The following ERI1 variants were observed in gnomAD, a reference collection of about 807,000 sequenced individuals.
ERI1 encodes 3'-5' exoribonuclease 1.
In ERI1, 39 loss-of-function variants were observed where a neutral mutation model predicts 39.7. The ratio of observed to expected loss-of-function variants is 0.98; its 90% CI spans 0.76 to 1.28. ERI1 has a LOEUF of 1.28. Ranked by LOEUF, ERI1 falls within the 50% of genes most tolerant of loss-of-function variation. The pLI is 0.00. For synonymous variants in ERI1, 204 were observed against 149.6 expected, an observed-to-expected ratio of 1.36 and a Z score of -2.65; for missense variants, 581 against 416.9, an observed-to-expected ratio of 1.39 and a Z score of -3.43.
intron 3 of ERI1, among the ~76,000 whole-genome samples, chr8:9,061,611 G>A (rs1446377074): frequency 6.6e-6 from 1 of 152,234 alleles, no homozygotes; most frequent in Non-Finnish European, 1.5e-5. Context: ...CAGCTCTTTT[G>A]TAAGAATTCT....
chr8:9,003,303 G>T (rs1042839693), intron 1 of ERI1, 132 bp downstream of exon 1: 38 of 479,024 alleles, frequency 7.9e-5, no homozygotes, highest in Non-Finnish European at 1.1e-4. Flanking sequence ...CTCTTCCTCG[G>T]TGCCCAGCTC....
At chr8:9,009,373 T>G (rs1816422704) in intron 2 of ERI1, among the ~76,000 whole-genome samples, 1 of 152,078 alleles carries the variant, frequency 6.6e-6, no homozygotes, top group Non-Finnish European at 1.5e-5. Context: ...AAAGATGACA[T>G]TTGAATTGTG....
At chr8:9,097,848 A>T (rs77943819) in intron 3 of ERI1, among the ~76,000 whole-genome samples, 5,596 of 152,294 alleles carry the variant, frequency 0.037, 310 homozygotes, top group African/African-American at 0.12. Flanking sequence ...GTTAATTAAA[A>T]AAAAATGCTT....
intron 3 of ERI1, among the ~76,000 whole-genome samples, chr8:9,090,901 T>C (rs1799681281): frequency 6.6e-6 from 1 of 152,194 alleles, no homozygotes; most frequent in Non-Finnish European, 1.5e-5. Flanking sequence ...TTTGGGGTAA[T>C]ATTTATTTTC....
intron 4 of ERI1, 98 bp from the exon 5 acceptor site, chr8:9,018,199 C>G: frequency 1.7e-6 from 1 of 601,608 alleles, no homozygotes; most frequent in South Asian, 2.5e-5. Flanking sequence ...CAGCCTTTCT[C>G]ATACTGTTTC....
chr8:9,007,982 T>C lies in ERI1; in HGVS notation c.121T>C (p.Cys41Arg), dbSNP rs1400926414. Reference protein sequence around the residue: ...PRPSPEETQQCKFDGQETKGS... With the variant: ...PRPSPEETQQRKFDGQETKGS... ...TTTTTTTTGGTAGGAAACTCAACAG[T>C]GTAAATTTGATGGCCAGGAGACAAA... The change falls in exon 2 of 7, where the codon TGT becomes CGT. Residue 41 changes from cysteine to arginine, a missense_variant. Coordinates refer to ENST00000250263, the MANE Select transcript of ERI1 (RefSeq NM_153332.4). 7.4e-7 allele frequency: 1 copy of C among 1,356,544 alleles called. No homozygotes were observed. Among genetic ancestry groups the C allele is most frequent in the African/African-American group, 1.6e-5 (1 of 62,112 alleles). The allele number at this position is 1,356,544 out of a possible 1,614,324, so 84.0% of individuals were successfully genotyped here.
intron 2 of ERI1, 74 bp downstream of exon 2, chr8:9,008,222 A>G (rs1331426184): frequency 2.4e-6 from 3 of 1,232,110 alleles, no homozygotes; most frequent in African/African-American, 1.5e-5. Flanking sequence ...ACATTGAAAT[A>G]TTAAAAATCA....
chr8:9,011,303 A>G (rs1816641542), intron 2 of ERI1, among the ~76,000 whole-genome samples: 1 of 152,232 alleles, frequency 6.6e-6, no homozygotes, highest in African/African-American at 2.4e-5. Flanking sequence ...ATACTGTTAT[A>G]TACTACTAAA....
intron 3 of ERI1, among the ~76,000 whole-genome samples, chr8:9,079,914 T>A (rs1269565348): frequency 2.0e-5 from 3 of 149,818 alleles, no homozygotes; most frequent in Non-Finnish European, 3.0e-5. Context: ...CCAGCAGTCC[T>A]CCAGCCTTGG....
chr8:9,071,497 T>A (rs1327012321), intron 3 of ERI1, among the ~76,000 whole-genome samples: 1 of 152,256 alleles, frequency 6.6e-6, no homozygotes, highest in African/African-American at 2.4e-5. Context: ...ATAAGTCTTG[T>A]AAATGATGTC....
chr8:9,064,094 G>A (rs1165828014), intron 3 of ERI1, among the ~76,000 whole-genome samples: 2 of 151,802 alleles, frequency 1.3e-5, no homozygotes, highest in Non-Finnish European at 2.9e-5. Context: ...GAAATAAGGG[G>A]TCAGGGTGCA....
At chr8:9,024,333 A>T (rs981107186) in intron 6 of ERI1, among the ~76,000 whole-genome samples, 3 of 152,232 alleles carry the variant, frequency 2.0e-5, no homozygotes, top group African/African-American at 7.2e-5. Flanking sequence ...TGTGCGTGGC[A>T]TATCAAGCGC....
intron 3 of ERI1, among the ~76,000 whole-genome samples, chr8:9,038,349 C>T (rs1348619295): frequency 1.3e-5 from 2 of 152,188 alleles, no homozygotes; most frequent in African/African-American, 2.4e-5. Context: ...AGGGAGACAC[C>T]ACATTCACAT....
At chr8:9,013,324 T>TAA (rs34377572) in intron 3 of ERI1, among the ~76,000 whole-genome samples, 84 of 137,466 alleles carry the variant, frequency 6.1e-4, no homozygotes, top group African/African-American at 9.6e-4. Flanking sequence ...CATTCTCACT[T>TAA]AAAAAAAAAA....
intron 3 of ERI1, among the ~76,000 whole-genome samples, chr8:9,078,744 T>C (rs1799284121): frequency 6.6e-6 from 1 of 152,206 alleles, no homozygotes; most frequent in East Asian, 1.9e-4. Context: ...CAGACTTTGT[T>C]ACAACAAAGC....
intron 3 of ERI1, among the ~76,000 whole-genome samples, chr8:9,066,156 C>G (rs941789706): frequency 6.6e-6 from 1 of 152,180 alleles, no homozygotes; most frequent in Non-Finnish European, 1.5e-5. Context: ...CACCTTCTTC[C>G]TCCTCCTCTT....
At position 9,008,052 on chromosome 8, in the gene ERI1, C is replaced by T. The variant is rs750465484; in HGVS notation, c.191C>T (p.Pro64Leu). The part of the protein sequence containing the change: ...ITSSASDFSD[P>L]VYKEIAITNG... ...TCCAGTGCGAGTGACTTCAGTGACC[C>T]GGTTTACAAAGAGATTGCCATTACG... Residue 64 changes from proline (P) to leucine (L), a missense_variant, in exon 2 of 7, where the codon CCG becomes CTG. Transcript: ENST00000250263. 7 of 1,606,288 alleles carry T rather than the reference C, an allele frequency of 4.4e-6. No homozygotes were observed. The highest frequency in any genetic ancestry group is 1.1e-5 in the South Asian group (1 of 90,656).
At chr8:9,072,542 A>G (rs1044876838) in intron 3 of ERI1, 5 of 152,288 alleles carry the variant, frequency 3.3e-5, no homozygotes, top group African/African-American at 1.2e-4. Context: ...AATCACCTCA[A>G]GAAGAAACCT....
chr8:9,027,751 T>C (rs996905240), intron 6 of ERI1, among the ~76,000 whole-genome samples: 17 of 152,208 alleles, frequency 1.1e-4, no homozygotes, highest in Admixed American at 6.5e-5. Flanking sequence ...TTTTCCCCAT[T>C]GATTCAATGT....
Sources: gnomAD v4.1 joint callset for allele counts (sites outside exome capture counted in the v4.1 genomes callset) on GRCh38, gnomAD v4.1.1 for gene constraint, MANE v1.5 for transcripts, NCBI Gene and HGNC (gene_info 2026-07-23, HGNC 2026-07-21) for gene names.